The following ISYNA1 variants were observed in gnomAD, a reference collection of about 807,000 sequenced individuals.
ISYNA1 encodes the protein inositol-3-phosphate synthase 1, also known as MI-1-P synthase.
ISYNA1 carries 34 observed loss-of-function variants against 50.3 expected under a neutral mutation model. The ratio of observed to expected loss-of-function variants is 0.68; its 90% CI spans 0.51 to 0.90. The LOEUF is 0.90. Among genes scored for constraint, ISYNA1 ranks in the 40% least tolerant of loss-of-function variants. The probability of loss-of-function intolerance (pLI) is 0.00; values close to 1 mark genes in which losing one functional copy is unlikely to be tolerated. For synonymous variants in ISYNA1, 396 were observed against 349.9 expected, an observed-to-expected ratio of 1.13 and a Z score of -1.47; for missense variants, 718 against 784.8, an observed-to-expected ratio of 0.91 and a Z score of 1.02.
At position 18,435,382 on chromosome 19, in the gene ISYNA1, G is replaced by A. The variant is rs1973936473; in HGVS notation, c.1356C>T (p.Thr452=). Residue 452 remains threonine (T), a synonymous_variant, in exon 10 of 11, where the codon ACC becomes ACT. Coordinates refer to ENST00000338128, the MANE Select transcript of ISYNA1 (RefSeq NM_016368.5). ...FCTDMDPEPQ[T]FHPVLSLLSF... is the part of the protein sequence containing the mutation. ...TGAGCAGGGACAGCACGGGGTGGAA[G>A]GTCTGCGGCTCGGGGTCCATGTCAG... 3.1e-6 allele frequency: 5 copies of A among 1,611,460 alleles called. No individual in the cohort carries two copies. Among genetic ancestry groups the A allele is most frequent in the Non-Finnish European group, 4.2e-6 (5 of 1,179,992 alleles).
chr19:18,436,719 C>T lies in ISYNA1; in HGVS notation c.574G>A (p.Ala192Thr). ...CGCGAGCCTGGGATGAGGTTGTCCGCGCGCGCGCTCTGGTTGGCCGCGATG... is the reference window on the plus strand; with the variant it reads ...CGCGAGCCTGGGATGAGGTTGTCCGTGCGCGCGCTCTGGTTGGCCGCGATG... Reference protein sequence around the residue: ...EFIAANQSARADNLIPGSRAQ... With the variant: ...EFIAANQSARTDNLIPGSRAQ... The change falls in exon 5 of 11, where the codon GCG (alanine) becomes ACG (threonine). Residue 192 changes from alanine to threonine, a missense_variant. Ala to Thr is a moderately conservative substitution (Grantham distance 58). Around this residue, in one of 3 missense-constraint regions of ISYNA1, gnomAD observed 403 missense variants for 466.6 expected, o/e 0.86. Transcript: ENST00000338128. The T allele has an allele frequency of 6.4e-7, 1 of 1,564,466 alleles. No homozygotes were observed. Among genetic ancestry groups the T allele is most frequent in the Non-Finnish European group, 8.6e-7 (1 of 1,158,260 alleles).
At chr19:18,437,306 TCC>T (rs1287692657) in intron 3 of ISYNA1, 2 of 1,414,562 alleles carry the variant, frequency 1.4e-6, no homozygotes, top group Admixed American at 3.0e-5. Context: ...CCTGTAAGAC[TCC>T]CGAGGAGTCC....
rs1382146432 is a variant in ISYNA1 at position 18,437,731 on chromosome 19, G to T, written c.150C>A (p.Phe50Leu). 7 of 1,569,798 alleles carry T rather than the reference G, an allele frequency of 4.5e-6. No individual in the cohort carries two copies. Among genetic ancestry groups the T allele is most frequent in the South Asian group, 3.5e-5 (3 of 86,366 alleles). Residue 50 changes from phenylalanine (F) to leucine (L), a missense_variant, in exon 3 of 11, where the codon TTC (phenylalanine) becomes TTA (leucine). This residue lies in a region of ISYNA1 where 403 missense variants were observed against 466.6 expected (regional missense o/e 0.86). Transcript: ENST00000338128. Reference protein sequence around the residue: ...KVHPTSTRFTFRTARQVPRLG... With the variant: ...KVHPTSTRFTLRTARQVPRLG... ...GCCGGGGCACCTGCCGGGCGGTCCGGAAGGTGAAGCGCGTGGACGTGGGGT... is the reference window on the plus strand; with the variant it reads ...GCCGGGGCACCTGCCGGGCGGTCCGTAAGGTGAAGCGCGTGGACGTGGGGT...
At chr19:18,437,496 A>AAACCCCCCCCCGG in intron 3 of ISYNA1, 103 bp downstream of exon 3, 2 of 253,968 alleles carry the variant, frequency 7.9e-6, no homozygotes, top group East Asian at 1.4e-4. Context: ...CACCCCCTAC[A>AAACCCCCCCCCGG]GCCCCCCTGG....
In ISYNA1 at chr19:18,437,623, G is replaced by A. The variant is rs1439748642; in HGVS notation, c.258C>T (p.Ser86=). Residue 86 remains serine, a synonymous_variant, in exon 3 of 11, where the codon TCC becomes TCT. Transcript: ENST00000338128. ...CCTTGCGGCCGCTGCGCGTGGGCCAGGACAAACGCAGTCGATTGGCCAGCA... is the reference window on the plus strand; with the variant it reads ...CCTTGCGGCCGCTGCGCGTGGGCCAAGACAAACGCAGTCGATTGGCCAGCA... ...AAVLANRLRL[S]WPTRSGRKEA... The A allele has an allele frequency of 2.0e-6, 3 of 1,474,226 alleles. No individual in the cohort carries two copies. Among genetic ancestry groups the A allele is most frequent in the Non-Finnish European group, 2.7e-6 (3 of 1,108,020 alleles). 91.3% of individuals were successfully genotyped at this position (1,474,226 alleles called of 1,614,324 possible).
Position 18,436,744 on chromosome 19 carries a change from G to A in ISYNA1, c.549C>T (p.Phe183=), listed in dbSNP as rs1215784887. The A allele has an allele frequency of 6.4e-7, 1 of 1,569,960 alleles. No individual in the cohort carries two copies. Among genetic ancestry groups the A allele is most frequent in the Admixed American group, 2.1e-5 (1 of 48,380 alleles). ...RPRPSVYIPE[F]IAANQSARAD... Reference sequence around the variant, plus strand: ...CGCGCGCGCTCTGGTTGGCCGCGATGAATTCGGGGATGTAAACAGAAGGCC... The same window carrying A: ...CGCGCGCGCTCTGGTTGGCCGCGATAAATTCGGGGATGTAAACAGAAGGCC... Residue 183 remains phenylalanine (F), a synonymous_variant, in exon 5 of 11, where the codon TTC becomes TTT. Coordinates refer to ENST00000338128, the MANE Select transcript of ISYNA1 (RefSeq NM_016368.5).
chr19:18,435,162 G>T (rs904454492), intron 10 of ISYNA1, 45 bp from the exon 11 acceptor site: 1 of 1,604,180 alleles, frequency 6.2e-7, no homozygotes, highest in African/African-American at 1.3e-5. Context: ...CCCACAGGGA[G>T]AAAGGGGGGG....
chr19:18,435,738 G>A lies in ISYNA1; in HGVS notation c.1140+19C>T, dbSNP rs370991035. ...CCCCTCGCCGGGCAACCCCGCGCCC[G>A]CGCCCGCGCCCCACGCACGCAGTGG... is the stretch of plus-strand genomic sequence containing the variant. On this transcript the variant is annotated intron_variant, in intron 8 of 10. Coordinates refer to ENST00000338128, the MANE Select transcript of ISYNA1 (RefSeq NM_016368.5). 10 of 1,611,170 alleles carry A rather than the reference G, an allele frequency of 6.2e-6. No individual in the cohort carries two copies. The highest frequency in any genetic ancestry group is 8.5e-6 in the Non-Finnish European group (10 of 1,178,954).
In ISYNA1 at chr19:18,437,725, G is replaced by C. The variant is rs756980191; in HGVS notation, c.156C>G (p.Thr52=). The change falls in exon 3 of 11, where the codon ACC becomes ACG. Residue 52 remains threonine, a synonymous_variant. Coordinates refer to ENST00000338128, the MANE Select transcript of ISYNA1 (RefSeq NM_016368.5). The part of the protein sequence containing the change: ...HPTSTRFTFR[T]ARQVPRLGVM... ...CCCCGAGCCGGGGCACCTGCCGGGC[G>C]GTCCGGAAGGTGAAGCGCGTGGACG... The C allele has an allele frequency of 6.4e-7, 1 of 1,565,592 alleles. No homozygotes were observed. Among genetic ancestry groups the C allele is most frequent in the South Asian group, 1.2e-5 (1 of 86,022 alleles).
Position 18,438,097 on chromosome 19 carries a change from G to T in ISYNA1, c.-14C>A. 8.9e-7 allele frequency: 1 copy of T among 1,122,986 alleles called. No homozygotes were observed. The highest frequency in any genetic ancestry group is 1.2e-6 in the Non-Finnish European group (1 of 838,538). The allele number at this position is 1,122,986 out of a possible 1,614,324, so 69.6% of individuals were successfully genotyped here. On this transcript the variant is annotated 5_prime_UTR_variant, in exon 1 of 11. Transcript: ENST00000338128. The stretch of plus-strand genomic sequence containing the variant: ...CCTGCCCCGAACCGCACTCACCGGC[G>T]CAGAGTCGACTCAGGCAGCGGCGGC...
rs778621839 is a variant in ISYNA1, at chr19:18,436,061, C to T, written c.946G>A (p.Val316Met). ...AGGCCGGAGCCAATGAGGAAGTCCA[C>T]AAGCACGGACTTGACTTTGGTCTGG... ...SGQTKVKSVL[V>M]DFLIGSGLKT... Residue 316 changes from valine to methionine, a missense_variant, in exon 7 of 11, where the codon GTG becomes ATG. Coordinates refer to ENST00000338128, the MANE Select transcript of ISYNA1 (RefSeq NM_016368.5). 3 of 1,613,388 alleles carry T rather than the reference C, an allele frequency of 1.9e-6. No individual in the cohort carries two copies. Among genetic ancestry groups the T allele is most frequent in the East Asian group, 4.5e-5 (2 of 44,888 alleles).
chr19:18,437,578 C>A, intron 3 of ISYNA1, 21 bp downstream of exon 3: 1 of 1,445,810 alleles, frequency 6.9e-7, no homozygotes, highest in Non-Finnish European at 9.1e-7. Context: ...TCCCTACCCA[C>A]CACGCCCCTC....
chr19:18,437,789 G>A lies in ISYNA1; in HGVS notation c.121-29C>T. ...AAGACAGGCCGCGCAGTGAATCCCGGGTCCCGTGCCCTTCTCCCCGAGCCG... is the reference window on the plus strand; with the variant it reads ...AAGACAGGCCGCGCAGTGAATCCCGAGTCCCGTGCCCTTCTCCCCGAGCCG... On this transcript the variant is annotated intron_variant, in intron 2 of 10. Coordinates refer to ENST00000338128, the MANE Select transcript of ISYNA1 (RefSeq NM_016368.5). 2.5e-6 allele frequency: 4 copies of A among 1,598,890 alleles called. No homozygotes were observed. The South Asian group carries it at 4.5e-5, about 18-fold the overall frequency.
rs1166479920 is a variant in ISYNA1, at chr19:18,436,767, G to A, written c.526C>T (p.Pro176Ser). 1.3e-6 allele frequency: 2 copies of A among 1,576,050 alleles called. No homozygotes were observed. The highest frequency in any genetic ancestry group is 1.4e-5 in the African/African-American group (1 of 73,290). The change falls in exon 5 of 11, where the codon CCT becomes TCT. Residue 176 changes from proline (P) to serine (S), a missense_variant. This residue lies in a region of ISYNA1 where 403 missense variants were observed against 466.6 expected (regional missense o/e 0.86). Transcript: ENST00000338128. ...WPHMEALRPR[P>S]SVYIPEFIAA... ...ATGAATTCGGGGATGTAAACAGAAG[G>A]CCGGGGCCGCAGGGCCTCCATGTGC...
Position 18,436,494 on chromosome 19 carries a change from G to T in ISYNA1, c.610-15C>A. 6.2e-7 allele frequency: 1 copy of T among 1,603,018 alleles called. No individual in the cohort carries two copies. The highest frequency in any genetic ancestry group is 1.1e-5 in the South Asian group (1 of 91,058). On this transcript the variant is annotated splice_polypyrimidine_tract_variant and intron_variant, in intron 5 of 10. Transcript: ENST00000338128. ...ATCTGCTCCAGCTGTGGGTTGGATG[G>T]TGAGGGTGTGGGGAGGATGGAGAGG...
At chr19:18,437,391 C>T in intron 3 of ISYNA1, 3 of 1,231,316 alleles carry the variant, frequency 2.4e-6, no homozygotes, top group Non-Finnish European at 3.2e-6. Flanking sequence ...CCTCCCGCCC[C>T]ACAGAGCTTC....
Position 18,437,995 on chromosome 19 carries a change from G to A in ISYNA1, c.-9-7C>T, listed in dbSNP as rs1485192333. ...CGGCCTCCATCGCGGCGGGCTGGGG[G>A]CCCGGGGTGAGCAGGGGGTCAGCGG... On this transcript the variant is annotated splice_polypyrimidine_tract_variant and splice_region_variant and intron_variant, in intron 1 of 10. Transcript: ENST00000338128. 15 of 1,554,514 alleles carry A rather than the reference G, an allele frequency of 9.6e-6. No individual in the cohort carries two copies. Among genetic ancestry groups the A allele is most frequent in the Admixed American group, 1.9e-5 (1 of 52,060 alleles).
chr19:18,435,138 A>C (rs1486089138), intron 10 of ISYNA1, 21 bp from the exon 11 acceptor site: 1 of 1,611,838 alleles, frequency 6.2e-7, no homozygotes, highest in East Asian at 2.2e-5. Context: ...CACACAGCTT[A>C]GCAGAGCCAG....
chr19:18,437,828 A>C (rs754296261), intron 2 of ISYNA1, 32 bp downstream of exon 2: 24 of 1,609,046 alleles, frequency 1.5e-5, no homozygotes, highest in Non-Finnish European at 2.0e-5. Context: ...CGCTCTCCCC[A>C]GCACGCCTCC....
Sources: gnomAD v4.1 joint callset for allele counts on GRCh38, gnomAD v4.1.1 for gene constraint, gnomAD v4.1.1 regional missense constraint, MANE v1.5 for transcripts, NCBI Gene and HGNC (gene_info 2026-07-23, HGNC 2026-07-21) for gene names.